Variants in SKI observed in about 807,000 individuals in gnomAD.
The protein encoded by SKI is SKI proto-oncogene, also known as ski oncogene.
Under a neutral mutation model 59.3 loss-of-function variants are expected in SKI, and 23 were observed. The ratio of observed to expected loss-of-function variants is 0.39; its 90% confidence interval spans 0.28 to 0.55. The LOEUF (loss-of-function observed/expected upper bound fraction) is 0.55, where lower values mean the gene tolerates loss of function less well. Ranked by LOEUF, SKI falls within the 20% of genes least tolerant of loss-of-function variation. The pLI is 0.67. For synonymous variants in SKI, 673 were observed against 488.6 expected, an observed-to-expected ratio of 1.38 and a Z score of -4.98; for missense variants, 1,017 against 1,038.9, an observed-to-expected ratio of 0.98 and a Z score of 0.29.
rs945461942 is a variant in SKI, at chr1:2,270,237, G to A, written c.970-32741G>A. ...AGGGCAGGTGGGCCCACTGGCTGGCGCTGCGTCTGGGTTCGGTCCTGGACC... is the reference window on the plus strand; with the variant it reads ...AGGGCAGGTGGGCCCACTGGCTGGCACTGCGTCTGGGTTCGGTCCTGGACC... On this transcript the variant is annotated intron_variant, in intron 1 of 6. Coordinates refer to ENST00000378536, the MANE Select transcript of SKI (RefSeq NM_003036.4). This position sits in a 1 kb window ranked among gnomAD's most constrained non-coding sequence, Gnocchi z 4.1. 1.3e-5 allele frequency among the ~76,000 whole-genome samples: 2 copies of A among 152,194 alleles called. No homozygotes were observed. Among genetic ancestry groups the A allele is most frequent in the African/African-American group, 4.8e-5 (2 of 41,452 alleles).
chr1:2,286,089 G>C (rs1170196853), intron 1 of SKI, among the ~76,000 whole-genome samples: 1 of 151,586 alleles, frequency 6.6e-6, no homozygotes, highest in African/African-American at 2.4e-5. Flanking sequence ...GGCCAGGCTA[G>C]TCTTGAACTC....
chr1:2,272,889 G>A (rs1396068308), intron 1 of SKI, among the ~76,000 whole-genome samples: 6 of 152,128 alleles, frequency 3.9e-5, no homozygotes, highest in East Asian at 3.9e-4. Flanking sequence ...CCCGAGGCTC[G>A]CTGGCGTCTG....
At chr1:2,291,371 C>T (rs1477655508) in intron 1 of SKI, among the ~76,000 whole-genome samples, 5 of 152,120 alleles carry the variant, frequency 3.3e-5, no homozygotes, top group East Asian at 1.9e-4. Context: ...GTCTGTGGTT[C>T]GAGGCTGAGT....
chr1:2,293,958 G>A (rs1370055621), intron 1 of SKI, among the ~76,000 whole-genome samples: 1 of 152,268 alleles, frequency 6.6e-6, no homozygotes, highest in Non-Finnish European at 1.5e-5. Flanking sequence ...TGTGATGGGG[G>A]CCACTCTGGG....
intron 5 of SKI, 52 bp from the exon 6 acceptor site, chr1:2,305,968 G>A: frequency 7.5e-7 from 1 of 1,337,418 alleles, no homozygotes. Context: ...TCATGGTGAG[G>A]GGTGTGCTGG....
chr1:2,232,941 C>T lies in SKI; in HGVS notation c.969+3206C>T, dbSNP rs116507598. On this transcript the variant is annotated intron_variant, in intron 1 of 6. Transcript: ENST00000378536. ...CACTCCCACCCCTCTTTCTTCTTTC[C>T]GGTCGGCTCGCCTCCTTCCTCGGGT... Among the ~76,000 whole-genome samples, 904 of 152,286 alleles carry T rather than the reference C, an allele frequency of 5.9e-3. 11 individuals are homozygous for T. The highest frequency in any genetic ancestry group is 0.021 in the African/African-American group (854 of 41,564).
In SKI at chr1:2,308,069, G is replaced by T. The variant is rs1054741599; in HGVS notation, c.*1304G>T. ...TTACTCTCACCTGTTTATGCAAATT[G>T]TATAAGGTTTCTTATGCCCAAGCTT... is the stretch of plus-strand genomic sequence containing the variant. On this transcript the variant is annotated 3_prime_UTR_variant, in exon 7 of 7. Coordinates refer to ENST00000378536, the MANE Select transcript of SKI (RefSeq NM_003036.4). 4 of 152,348 alleles carry T rather than the reference G, an allele frequency of 2.6e-5. No individual in the cohort carries two copies. The highest frequency in any genetic ancestry group is 5.9e-5 in the Non-Finnish European group (4 of 68,042). The allele number at this position is 152,348 out of a possible 1,614,324, so 9.4% of individuals were successfully genotyped here.
chr1:2,259,808 G>T (rs1232462918), intron 1 of SKI, among the ~76,000 whole-genome samples: 1 of 152,076 alleles, frequency 6.6e-6, no homozygotes, highest in Non-Finnish European at 1.5e-5. Flanking sequence ...TTCTTCTTTT[G>T]GTCTGGCTTC....
At position 2,309,329 on chromosome 1, in the gene SKI, T is replaced by C. The variant is rs1248978617; in HGVS notation, c.*2564T>C. ...TTTAATTCTCATTATATTTCTATAC[T>C]GAAAGAAGATTTTTAACGAAGGGAA... On this transcript the variant is annotated 3_prime_UTR_variant, in exon 7 of 7. Transcript: ENST00000378536. 1 of 152,130 alleles carries C rather than the reference T, an allele frequency of 6.6e-6. No homozygotes were observed. The highest frequency in any genetic ancestry group is 1.5e-5 in the Non-Finnish European group (1 of 68,034). The allele number at this position is 152,130 out of a possible 1,614,324, so 9.4% of individuals were successfully genotyped here.
intron 1 of SKI, among the ~76,000 whole-genome samples, chr1:2,286,468 C>T (rs533873127): frequency 6.6e-6 from 1 of 152,316 alleles, no homozygotes; most frequent in East Asian, 1.9e-4. Context: ...CGCACTCAGC[C>T]TGGGTGACAG....
intron 1 of SKI, among the ~76,000 whole-genome samples, chr1:2,237,764 T>C (rs533186645): frequency 2.4e-4 from 37 of 152,256 alleles, no homozygotes; most frequent in Non-Finnish European, 3.5e-4. Flanking sequence ...CTTCTTGCCC[T>C]GTTGAGGGAA....
At chr1:2,233,389 G>A (rs978833398) in intron 1 of SKI, among the ~76,000 whole-genome samples, 4 of 152,166 alleles carry the variant, frequency 2.6e-5, no homozygotes, top group Non-Finnish European at 5.9e-5. Flanking sequence ...GCCACGTGCA[G>A]TCTGGGCATT....
intron 1 of SKI, among the ~76,000 whole-genome samples, chr1:2,246,955 G>T (rs1205893123): frequency 6.6e-6 from 1 of 152,236 alleles, no homozygotes; most frequent in Non-Finnish European, 1.5e-5. Context: ...GGGCACGGTG[G>T]CTCACGCCTG....
chr1:2,229,775 T>TG lies in SKI; in HGVS notation c.969+44dup, dbSNP rs1638590381. The TG allele has an allele frequency of 6.5e-7, 1 of 1,549,830 alleles. No individual in the cohort carries two copies. Among genetic ancestry groups the TG allele is most frequent in the Non-Finnish European group, 8.7e-7 (1 of 1,146,958 alleles). ...GCCTGGGAGCTGGGGAGGATGCGCTTGGGGTGGGGGCCCCTTCTGGACTAC... is the reference window on the plus strand; with the variant it reads ...GCCTGGGAGCTGGGGAGGATGCGCTTGGGGGTGGGGGCCCCTTCTGGACTAC... On this transcript the variant is annotated intron_variant, in intron 1 of 6. Transcript: ENST00000378536. This position sits in a 1 kb window ranked among gnomAD's most constrained non-coding sequence, Gnocchi z 6.3.
chr1:2,253,236 A>G (rs1314947281), intron 1 of SKI, among the ~76,000 whole-genome samples: 3 of 152,152 alleles, frequency 2.0e-5, no homozygotes, highest in Non-Finnish European at 4.4e-5. Flanking sequence ...ACCCAGGCCT[A>G]CATCACAGGC....
chr1:2,230,483 C>A (rs374451712), intron 1 of SKI, among the ~76,000 whole-genome samples: 1 of 152,152 alleles, frequency 6.6e-6, no homozygotes. Flanking sequence ...CCTGGGCCCG[C>A]GTGCTGGAGT....
chr1:2,283,039 G>C (rs1639944689), intron 1 of SKI, among the ~76,000 whole-genome samples: 1 of 152,204 alleles, frequency 6.6e-6, no homozygotes, highest in East Asian at 1.9e-4. Flanking sequence ...CTGTGGCTGT[G>C]GGGGCGCAGG....
chr1:2,237,763 C>T (rs181729290), intron 1 of SKI, among the ~76,000 whole-genome samples: 4 of 152,370 alleles, frequency 2.6e-5, no homozygotes, highest in Admixed American at 6.5e-5. Flanking sequence ...CCTTCTTGCC[C>T]TGTTGAGGGA....
intron 1 of SKI, among the ~76,000 whole-genome samples, chr1:2,234,619 G>A (rs1035921556): frequency 2.0e-5 from 3 of 152,178 alleles, no homozygotes; most frequent in East Asian, 1.9e-4. Context: ...GAGAGAAGGC[G>A]GTGGTTCCGG....
Sources: allele counts gnomAD v4.1 joint callset (sites outside exome capture counted in the v4.1 genomes callset), GRCh38; gene constraint gnomAD v4.1.1; non-coding constraint Gnocchi (gnomAD v3.1); transcripts MANE v1.5; gene names NCBI Gene and HGNC (gene_info 2026-07-23, HGNC 2026-07-21).